Variants in ACACB observed in about 807,000 individuals in gnomAD.
The protein encoded by ACACB is acetyl-CoA carboxylase 2.
In ACACB, 209 loss-of-function variants were observed where a neutral mutation model predicts 278.8. The ratio of observed to expected loss-of-function variants is 0.75; its 90% CI spans 0.67 to 0.84. The LOEUF (loss-of-function observed/expected upper bound fraction) is 0.84, where lower values mean the gene tolerates loss of function less well. Ranked by LOEUF, ACACB falls within the 40% of genes least tolerant of loss-of-function variation. ACACB has a pLI of 0.00. For missense variants in ACACB, 2,850 were observed against 3,269.0 expected, an observed-to-expected ratio of 0.87 and a Z score of 3.13; for synonymous variants, 1,174 against 1,285.6, an observed-to-expected ratio of 0.91 and a Z score of 1.86.
In ACACB at chr12:109,266,350, G is replaced by T; in HGVS notation, c.7365G>T (p.Pro2455=). ...ACCTGCTGTCTACCATGGACAGCCC[G>T]GCCTCCACCTGACCGTGGCCCGCCC... ...VVHLLSTMDS[P]AST is the part of the protein sequence containing the mutation. The change falls in exon 53 of 53, where the codon CCG becomes CCT. Residue 2455 remains proline (P), a synonymous_variant. Coordinates refer to ENST00000338432, the MANE Select transcript of ACACB (RefSeq NM_001093.4). 1 of 1,607,878 alleles carries T rather than the reference G, an allele frequency of 6.2e-7. No individual in the cohort carries two copies. Among genetic ancestry groups the T allele is most frequent in the Non-Finnish European group, 8.5e-7 (1 of 1,178,790 alleles).
chr12:109,209,314 C>T lies in ACACB; in HGVS notation c.3210C>T (p.Ser1070=). ...GCAGGGTGATGGCCCAGTATGCCAG[C>T]AACATCACCTCGGTGCTGTGCCAGT... The part of the protein sequence containing the change: ...SVRRVMAQYA[S]NITSVLCQFP... Residue 1070 remains serine, a synonymous_variant, in exon 21 of 53, where the codon AGC becomes AGT. Coordinates refer to ENST00000338432, the MANE Select transcript of ACACB (RefSeq NM_001093.4). 1.2e-6 allele frequency: 2 copies of T among 1,612,580 alleles called. No homozygotes were observed. Among genetic ancestry groups the T allele is most frequent in the Admixed American group, 1.7e-5 (1 of 60,002 alleles).
Position 109,136,025 on chromosome 12 carries a change from A to G in ACACB, c.-9-3372A>G, listed in dbSNP as rs953584598. On this transcript the variant is annotated intron_variant, in intron 1 of 52. Coordinates refer to ENST00000338432, the MANE Select transcript of ACACB (RefSeq NM_001093.4). Reference sequence around the variant, plus strand: ...ATGGGGTTTCACCATGTTAGCCAGGATAGTCTTGATCTCCTGACCTCGTGA... The same window carrying G: ...ATGGGGTTTCACCATGTTAGCCAGGGTAGTCTTGATCTCCTGACCTCGTGA... Among the ~76,000 whole-genome samples the G allele has an allele frequency of 8.4e-4, 127 of 151,880 alleles. 3 individuals carry two copies. Among genetic ancestry groups the G allele is most frequent in the Non-Finnish European group, 2.2e-4 (15 of 67,968 alleles).
intron 1 of ACACB, among the ~76,000 whole-genome samples, chr12:109,136,633 T>C (rs2042972285): frequency 6.6e-6 from 1 of 152,234 alleles, no homozygotes; most frequent in South Asian, 2.1e-4. Flanking sequence ...AATTTCTTTT[T>C]CAGATTATTT....
chr12:109,176,130 G>A (rs145465749), intron 8 of ACACB, 23 bp from the exon 9 acceptor site: 3 of 1,613,656 alleles, frequency 1.9e-6, no homozygotes, highest in Non-Finnish European at 8.5e-7. Context: ...CTCTAAAGAG[G>A]TCTGTTTGTC....
At chr12:109,147,496 C>T (rs747840970) in intron 2 of ACACB, among the ~76,000 whole-genome samples, 20 of 151,064 alleles carry the variant, frequency 1.3e-4, no homozygotes, top group Non-Finnish European at 2.8e-4. Flanking sequence ...CCACCCACCT[C>T]GGCCTCCCAA....
chr12:109,191,232 G>T lies in ACACB; in HGVS notation c.2145-381G>T, dbSNP rs61934311. On this transcript the variant is annotated intron_variant, in intron 13 of 52. Coordinates refer to ENST00000338432, the MANE Select transcript of ACACB (RefSeq NM_001093.4). The stretch of plus-strand genomic sequence containing the variant: ...TAACTCTTCTTTTTTTTTTTTTTTG[G>T]AGACAGAGTCTTGCTCTGTCGCCCA... Among the ~76,000 whole-genome samples the T allele has an allele frequency of 6.3e-3, 846 of 134,378 alleles. 6 individuals are homozygous for T. Among genetic ancestry groups the T allele is most frequent in the Middle Eastern group, 0.015 (4 of 260 alleles). 88.2% of individuals were successfully genotyped at this position (134,378 alleles called of 152,430 possible). A position where few individuals can be genotyped will look rare whatever the true frequency, so the allele number is the denominator to read the frequency against.
rs768920623 is a variant in ACACB at position 109,256,140 on chromosome 12, C to T, written c.6167C>T (p.Thr2056Ile). 2.5e-6 allele frequency: 4 copies of T among 1,613,552 alleles called. No individual in the cohort carries two copies. The South Asian group carries it at 3.3e-5, about 13-fold the overall frequency. Residue 2056 changes from threonine (T) to isoleucine (I), a missense_variant and splice_region_variant, in exon 45 of 53, where the codon ACT becomes ATT. Transcript: ENST00000338432. ...TGGGCTTCTGCCCTTCTGTCCACAG[C>T]TCTGAAGGGAACGTGGCAGAGCGGA... The part of the protein sequence containing the change: ...RWMLAGRPHP[T>I]LKGTWQSGFF...
chr12:109,157,919 C>T (rs1251761462), intron 2 of ACACB, among the ~76,000 whole-genome samples: 1 of 152,162 alleles, frequency 6.6e-6, no homozygotes, highest in Non-Finnish European at 1.5e-5. Context: ...ATTTCACTGC[C>T]ATGCAATTCT....
At chr12:109,156,935 TG>T (rs2136106885) in intron 2 of ACACB, among the ~76,000 whole-genome samples, 1 of 152,208 alleles carries the variant, frequency 6.6e-6, no homozygotes, top group Admixed American at 6.5e-5. Flanking sequence ...TGTGGTCTCA[TG>T]CCATCTTCAA....
At chr12:109,182,524 T>C (rs1395429017) in intron 11 of ACACB, among the ~76,000 whole-genome samples, 1 of 152,146 alleles carries the variant, frequency 6.6e-6, no homozygotes, top group African/African-American at 2.4e-5. Context: ...TGCAACACCA[T>C]GCCCAGCTAA....
At position 109,197,219 on chromosome 12, in the gene ACACB, A is replaced by T. The variant is rs955588137; in HGVS notation, c.2627+66A>T. The T allele has an allele frequency of 2.3e-5, 36 of 1,552,486 alleles. No individual in the cohort carries two copies. In the South Asian group the frequency reaches 3.6e-4, roughly 15 times the overall value. On this transcript the variant is annotated intron_variant, in intron 17 of 52. Coordinates refer to ENST00000338432, the MANE Select transcript of ACACB (RefSeq NM_001093.4). ...CAGCTCTCTGTCCTAGGCATGGAAAACACAGCACTGGCCTGTGTGCAGGTC... is the reference window on the plus strand; with the variant it reads ...CAGCTCTCTGTCCTAGGCATGGAAATCACAGCACTGGCCTGTGTGCAGGTC...
At position 109,258,980 on chromosome 12, in the gene ACACB, AGC is replaced by A. The variant is rs777863529; in HGVS notation, c.6369_6370del (p.Gln2124GlyfsTer45). The A allele has an allele frequency of 6.8e-6, 11 of 1,613,998 alleles. No individual in the cohort carries two copies. The highest frequency in any genetic ancestry group is 8.5e-6 in the Non-Finnish European group (10 of 1,180,004). On this transcript the variant is annotated frameshift_variant, in exon 47 of 53. Transcript: ENST00000338432. LOFTEE classifies it high-confidence loss of function. The stretch of plus-strand genomic sequence containing the variant: ...CGCAGCTCTGTGTTCCAGATAATTC[AGC>A]AGGCAGGACAGGTGTGGTTCCCAGA...
At chr12:109,136,024 G>A (rs1474332457) in intron 1 of ACACB, among the ~76,000 whole-genome samples, 1 of 151,778 alleles carries the variant, frequency 6.6e-6, no homozygotes, top group African/African-American at 2.4e-5. Flanking sequence ...TGTTAGCCAG[G>A]ATAGTCTTGA....
At chr12:109,212,764 C>A in intron 21 of ACACB, 72 bp from the exon 22 acceptor site, 1 of 1,322,238 alleles carries the variant, frequency 7.6e-7, no homozygotes. Flanking sequence ...GGTTTGGGGA[C>A]CCTTTCTTTA....
intron 20 of ACACB, among the ~76,000 whole-genome samples, chr12:109,208,217 ATTT>A (rs36059668): frequency 2.9e-5 from 4 of 138,862 alleles, no homozygotes. Flanking sequence ...CCATTGCAAC[ATTT>A]TTTTTTTTTT....
chr12:109,211,596 C>G (rs1224983227), intron 21 of ACACB, among the ~76,000 whole-genome samples: 2 of 152,028 alleles, frequency 1.3e-5, no homozygotes, highest in Non-Finnish European at 2.9e-5. Flanking sequence ...TAGGCACGTT[C>G]ATGAAGAAGG....
At chr12:109,165,797 C>A (rs1242473354) in intron 2 of ACACB, among the ~76,000 whole-genome samples, 1 of 152,150 alleles carries the variant, frequency 6.6e-6, no homozygotes, top group African/African-American at 2.4e-5. Context: ...ACTAAATTCA[C>A]ATCTCTCAGG....
chr12:109,170,481 G>A (rs772551911), intron 4 of ACACB, among the ~76,000 whole-genome samples: 3 of 152,158 alleles, frequency 2.0e-5, no homozygotes, highest in Non-Finnish European at 2.9e-5. Context: ...AGGAAATCCC[G>A]TCATATGTTA....
chr12:109,167,730 T>C (rs1160763967), intron 3 of ACACB, among the ~76,000 whole-genome samples, 166 bp from the exon 4 acceptor site: 2 of 148,730 alleles, frequency 1.3e-5, no homozygotes, highest in Non-Finnish European at 3.0e-5. Flanking sequence ...GAGCTCCTGC[T>C]CTGTGCTGGG....
Sources: gnomAD v4.1 joint callset for allele counts (sites outside exome capture counted in the v4.1 genomes callset) on GRCh38, gnomAD v4.1.1 for gene constraint, MANE v1.5 for transcripts, NCBI Gene and HGNC (gene_info 2026-07-23, HGNC 2026-07-21) for gene names.